CTIF: variants seen among roughly 807,000 people sequenced by gnomAD.
The protein encoded by CTIF is cap binding complex dependent translation initiation factor.
A neutral mutation model predicts 66.0 loss-of-function variants in CTIF; 21 were observed. That is an observed-to-expected ratio of 0.32 (90% CI 0.23 to 0.46). The LOEUF (loss-of-function observed/expected upper bound fraction) is 0.46. Ranked by LOEUF, CTIF falls within the 20% of genes least tolerant of loss-of-function variation. The probability of loss-of-function intolerance (pLI) is 1.00; values close to 1 mark genes in which losing one functional copy is unlikely to be tolerated. For synonymous variants in CTIF, 345 were observed against 326.4 expected (o/e 1.06, Z -0.62); for missense variants, 739 against 812.7 (o/e 0.91, Z 1.10).
At position 48,578,566 on chromosome 18, in the gene CTIF, G is replaced by A. The variant is rs541119556; in HGVS notation, c.-29+39254G>A. 8.5e-5 allele frequency among the ~76,000 whole-genome samples: 13 copies of A among 152,286 alleles called. No homozygotes were observed. The East Asian group carries it at 2.5e-3, about 29-fold the overall frequency. On this transcript the variant is annotated intron_variant, in intron 1 of 11. Transcript: ENST00000256413. ...TTGTGGTTTTGATTTGCATTTCCCT[G>A]ATGACTAATGACGTTGAACATCTTT...
intron 1 of CTIF, among the ~76,000 whole-genome samples, chr18:48,586,093 G>C (rs2089760989): frequency 6.6e-6 from 1 of 152,212 alleles, no homozygotes; most frequent in African/African-American, 2.4e-5. Context: ...AGACATATTT[G>C]TAAGTGAAAT....
chr18:48,795,679 C>A (rs944014524), intron 9 of CTIF, among the ~76,000 whole-genome samples: 10 of 152,178 alleles, frequency 6.6e-5, no homozygotes, highest in African/African-American at 1.4e-4. Flanking sequence ...CCTCTGGTTC[C>A]CCAGAATCAA....
chr18:48,624,517 T>C (rs575854293), intron 2 of CTIF, among the ~76,000 whole-genome samples: 1 of 152,296 alleles, frequency 6.6e-6, no homozygotes, highest in Non-Finnish European at 1.5e-5. Flanking sequence ...GATTAGGATG[T>C]TGTAAGTGGG....
At chr18:48,841,344 C>T (rs992465271) in intron 10 of CTIF, among the ~76,000 whole-genome samples, 1 of 152,070 alleles carries the variant, frequency 6.6e-6, no homozygotes, top group African/African-American at 2.4e-5. Context: ...CCTCTGCAGC[C>T]GGGCCCTCCC....
At chr18:48,575,647 G>A (rs932716307) in intron 1 of CTIF, among the ~76,000 whole-genome samples, 7 of 152,202 alleles carry the variant, frequency 4.6e-5, no homozygotes, top group African/African-American at 7.2e-5. Context: ...TGGAAGGTCC[G>A]TGGAGATGCA....
chr18:48,650,808 G>T (rs1230253842), intron 3 of CTIF, among the ~76,000 whole-genome samples: 2 of 151,566 alleles, frequency 1.3e-5, no homozygotes, highest in Non-Finnish European at 2.9e-5. Flanking sequence ...GAAGAGAGTG[G>T]AGGCCAATAT....
intron 9 of CTIF, among the ~76,000 whole-genome samples, chr18:48,782,575 C>G (rs1362926655): frequency 6.6e-6 from 1 of 152,224 alleles, no homozygotes; most frequent in Non-Finnish European, 1.5e-5. Flanking sequence ...TGCCACCCAC[C>G]CACAAGGCCT....
chr18:48,556,886 T>G (rs554285061), intron 1 of CTIF, among the ~76,000 whole-genome samples: 246 of 152,260 alleles, frequency 1.6e-3, no homozygotes, highest in Non-Finnish European at 2.9e-3. Flanking sequence ...ATTGTGACCT[T>G]AGGAGAGTTA....
chr18:48,841,098 A>G lies in CTIF; in HGVS notation c.1528-16490A>G, dbSNP rs368485602. Among the ~76,000 whole-genome samples the G allele has an allele frequency of 3.4e-4, 51 of 152,150 alleles. 7 individuals are homozygous for G. Among genetic ancestry groups the G allele is most frequent in the Admixed American group, 2.2e-3 (33 of 15,294 alleles). ...TCGTTATTTATGCCCTCCCTGACTC[A>G]TGCTCTGTAAAGTCTGAGGTTGGTA... On this transcript the variant is annotated intron_variant, in intron 10 of 11. Transcript: ENST00000256413.
Position 48,761,774 on chromosome 18 carries a change from C to T in CTIF, c.1371+85C>T, listed in dbSNP as rs779965197. 635 of 1,361,610 alleles carry T rather than the reference C, an allele frequency of 4.7e-4. 1 individual carries two copies. Among genetic ancestry groups the T allele is most frequent in the Non-Finnish European group, 2.7e-4 (270 of 992,494 alleles). The allele number at this position is 1,361,610 out of a possible 1,614,324, so 84.3% of individuals were successfully genotyped here. On this transcript the variant is annotated intron_variant, in intron 9 of 11. Coordinates refer to ENST00000256413, the MANE Select transcript of CTIF (RefSeq NM_014772.3). The surrounding 1 kb of genome is among the most constrained non-coding windows in gnomAD (Gnocchi z 4.2). ...ATTCCTAGCGAGAAGGCTGCGAGTT[C>T]TGGCCACAGTTGGACTTTTCCCAAG... is the stretch of plus-strand genomic sequence containing the variant.
intron 6 of CTIF, among the ~76,000 whole-genome samples, chr18:48,682,717 G>A (rs888904960): frequency 1.3e-5 from 2 of 152,232 alleles, no homozygotes; most frequent in Non-Finnish European, 2.9e-5. Flanking sequence ...ATTTGCAAAT[G>A]GTTTGGTGAT....
At chr18:48,668,617 A>G (rs1189012816) in intron 5 of CTIF, among the ~76,000 whole-genome samples, 2 of 151,384 alleles carry the variant, frequency 1.3e-5, no homozygotes, top group Non-Finnish European at 2.9e-5. Flanking sequence ...TACCCCTTGC[A>G]CCCTGACCCC....
chr18:48,821,324 G>A (rs141723550), intron 10 of CTIF, among the ~76,000 whole-genome samples: 18 of 152,316 alleles, frequency 1.2e-4, no homozygotes, highest in South Asian at 2.1e-4. Flanking sequence ...CGAGTGCCTC[G>A]TGTGTTCTTT....
intron 7 of CTIF, among the ~76,000 whole-genome samples, chr18:48,751,615 G>A (rs1257220060): frequency 6.6e-6 from 1 of 152,240 alleles, no homozygotes; most frequent in Non-Finnish European, 1.5e-5. Context: ...AGACGTGGGT[G>A]TGATGTAGGG....
intron 6 of CTIF, among the ~76,000 whole-genome samples, chr18:48,686,559 AT>A (rs1409347346): frequency 6.6e-6 from 1 of 151,976 alleles, no homozygotes; most frequent in Non-Finnish European, 1.5e-5. Flanking sequence ...CTCCTCCCTC[AT>A]TCCTTGAGTG....
At chr18:48,681,439 C>T (rs1248800724) in intron 6 of CTIF, among the ~76,000 whole-genome samples, 1 of 152,228 alleles carries the variant, frequency 6.6e-6, no homozygotes, top group Non-Finnish European at 1.5e-5. Flanking sequence ...CTCTTTCCCT[C>T]CTTTCCCCAT....
In CTIF at chr18:48,859,927, C is replaced by G; in HGVS notation, c.*368C>G. On this transcript the variant is annotated 3_prime_UTR_variant, in exon 12 of 12. Coordinates refer to ENST00000256413, the MANE Select transcript of CTIF (RefSeq NM_014772.3). Reference sequence around the variant, plus strand: ...GACTCCTCGGAGACCTTGGCAGCCTCGCACGCCGGGGCACCGCTTGGGTCA... The same window carrying G: ...GACTCCTCGGAGACCTTGGCAGCCTGGCACGCCGGGGCACCGCTTGGGTCA... 1 of 491,408 alleles carries G rather than the reference C, an allele frequency of 2.0e-6. No homozygotes were observed. The highest frequency in any genetic ancestry group is 1.5e-5 in the South Asian group (1 of 64,894). 30.4% of individuals were successfully genotyped at this position (491,408 alleles called of 1,614,324 possible).
intron 10 of CTIF, among the ~76,000 whole-genome samples, chr18:48,843,905 C>T (rs1238836370): frequency 1.3e-5 from 2 of 152,210 alleles, no homozygotes; most frequent in Non-Finnish European, 1.5e-5. Flanking sequence ...CATTTCCTTC[C>T]CTGTGCCTCA....
At chr18:48,766,330 G>A (rs1909536945) in intron 9 of CTIF, among the ~76,000 whole-genome samples, 1 of 152,072 alleles carries the variant, frequency 6.6e-6, no homozygotes. Flanking sequence ...AAGTCACAAG[G>A]CATTGAATGA....
Sources: allele counts gnomAD v4.1 joint callset (sites outside exome capture counted in the v4.1 genomes callset), GRCh38; gene constraint gnomAD v4.1.1; non-coding constraint Gnocchi (gnomAD v3.1); transcripts MANE v1.5; gene names NCBI Gene and HGNC (gene_info 2026-07-23, HGNC 2026-07-21).